Variants in DMC1 observed in about 807,000 individuals in gnomAD.
DMC1 encodes the protein DNA meiotic recombinase 1, also known as meiotic recombination protein DMC1 homolog.
DMC1 carries 27 observed loss-of-function variants against 50.1 expected under a neutral mutation model. The observed-to-expected ratio is 0.54, with a 90% CI of 0.40 to 0.74. The LOEUF is 0.74. Ranked by LOEUF, DMC1 falls within the 30% of genes least tolerant of loss-of-function variation. DMC1 has a pLI of 0.00. For synonymous variants in DMC1, 148 were observed against 136.1 expected (o/e 1.09, Z -0.61); for missense variants, 295 against 420.2 (o/e 0.70, Z 2.60).
intron 8 of DMC1, among the ~76,000 whole-genome samples, chr22:38,541,272 C>T (rs911532740): frequency 6.6e-6 from 1 of 152,052 alleles, no homozygotes; most frequent in African/African-American, 2.4e-5. Flanking sequence ...AGAAGTTAAT[C>T]ACTTATATAT....
At position 38,552,572 on chromosome 22, in the gene DMC1, C is replaced by T. The variant is rs11570407; in HGVS notation, c.421+94G>A. On this transcript the variant is annotated intron_variant, in intron 7 of 13. Transcript: ENST00000216024. ...GTTTTAGTTTCCTTGCAAGTATGTT[C>T]AGATATGAGATTATTTAGAGTATCA... 476 of 962,646 alleles carry T rather than the reference C, an allele frequency of 4.9e-4. 6 individuals are homozygous for T. The African/African-American group carries it at 6.1e-3, about 12-fold the overall frequency. 59.6% of individuals were successfully genotyped at this position (962,646 alleles called of 1,614,324 possible).
intron 13 of DMC1, among the ~76,000 whole-genome samples, chr22:38,520,876 G>GT (rs1169836896): frequency 6.7e-6 from 1 of 150,356 alleles, no homozygotes; most frequent in Non-Finnish European, 1.5e-5. Context: ...TTTGTTTTTT[G>GT]TTTTTGTTTT....
chr22:38,536,774 C>T (rs1412356886), intron 12 of DMC1, among the ~76,000 whole-genome samples: 3 of 152,034 alleles, frequency 2.0e-5, no homozygotes, highest in Non-Finnish European at 2.9e-5. Context: ...TTGCTTTATT[C>T]TATAAAGAAC....
chr22:38,543,729 A>T (rs542975520), intron 8 of DMC1, among the ~76,000 whole-genome samples: 4 of 151,634 alleles, frequency 2.6e-5, no homozygotes, highest in Non-Finnish European at 5.9e-5. Flanking sequence ...CTGGTCATCT[A>T]CTCCATGCTG....
rs957097473 is a variant in DMC1 at position 38,553,140 on chromosome 22, G to A, written c.380-433C>T. The stretch of plus-strand genomic sequence containing the variant: ...TGGGATTACAGGTGTGAGCCACCAC[G>A]CCCGGCCTTATTTGTTTAATATAAA... On this transcript the variant is annotated intron_variant, in intron 6 of 13. Transcript: ENST00000216024. Among the ~76,000 whole-genome samples, 20 of 151,546 alleles carry A rather than the reference G, an allele frequency of 1.3e-4. No individual in the cohort carries two copies. The East Asian group carries it at 2.7e-3, about 21-fold the overall frequency.
intron 12 of DMC1, among the ~76,000 whole-genome samples, chr22:38,530,924 G>T (rs929013999): frequency 6.6e-6 from 1 of 152,080 alleles, no homozygotes; most frequent in Non-Finnish European, 1.5e-5. Flanking sequence ...ACAAAAATTA[G>T]CCAGGTGTGG....
At chr22:38,526,227 C>T (rs146338694) in intron 12 of DMC1, among the ~76,000 whole-genome samples, 28 of 150,856 alleles carry the variant, frequency 1.9e-4, no homozygotes, top group African/African-American at 6.6e-4. Flanking sequence ...TTTTTTGAGA[C>T]GGAGTCTTGC....
At chr22:38,561,865 G>A (rs2090531003) in intron 5 of DMC1, among the ~76,000 whole-genome samples, 1 of 152,048 alleles carries the variant, frequency 6.6e-6, no homozygotes, top group South Asian at 2.1e-4. Flanking sequence ...TCATAAAAGA[G>A]TAAATAAAAA....
At position 38,538,541 on chromosome 22, in the gene DMC1, A is replaced by G. The variant is rs780934367; in HGVS notation, c.658T>C (p.Leu220=). 2 of 1,613,862 alleles carry G rather than the reference A, an allele frequency of 1.2e-6. No individual in the cohort carries two copies. Among genetic ancestry groups the G allele is most frequent in the Non-Finnish European group, 1.7e-6 (2 of 1,179,776 alleles). The change falls in exon 10 of 14, where the codon TTG becomes CTG. Residue 220 remains leucine (L), a splice_region_variant and synonymous_variant. Transcript: ENST00000216024. The part of the protein sequence containing the change: ...FHEEAGIFKL[L]IIDSIMALFR... ...AAGCAATATTTAAAAGCTTGTACCA[A>G]TAGCTTGAAGATGCCAGCTTCTTCA...
At chr22:38,543,451 G>C (rs1374998064) in intron 8 of DMC1, among the ~76,000 whole-genome samples, 1 of 151,980 alleles carries the variant, frequency 6.6e-6, no homozygotes, top group African/African-American at 2.4e-5. Flanking sequence ...GGATGGTCTT[G>C]ATCTCCTGAC....
At chr22:38,542,129 CT>C (rs1490202575) in intron 8 of DMC1, among the ~76,000 whole-genome samples, 3 of 149,404 alleles carry the variant, frequency 2.0e-5, no homozygotes, top group Non-Finnish European at 3.0e-5. Flanking sequence ...AACTGAAAGT[CT>C]TTCCTCTAAG....
At chr22:38,553,833 C>T (rs2090440004) in intron 6 of DMC1, among the ~76,000 whole-genome samples, 1 of 151,598 alleles carries the variant, frequency 6.6e-6, no homozygotes, top group African/African-American at 2.4e-5. Flanking sequence ...GTGGCGTGCA[C>T]CTATAGTCCC....
intron 12 of DMC1, among the ~76,000 whole-genome samples, chr22:38,532,264 T>G (rs112010490): frequency 0.024 from 3,626 of 152,168 alleles, 58 homozygotes; most frequent in Non-Finnish European, 0.037. Context: ...ATAGACAATG[T>G]GTGACTTACC....
chr22:38,565,844 T>A (rs929981955), intron 4 of DMC1, among the ~76,000 whole-genome samples: 4 of 152,218 alleles, frequency 2.6e-5, no homozygotes, highest in African/African-American at 7.2e-5. Flanking sequence ...TGCTCTCTTA[T>A]CAATTGGCTA....
chr22:38,549,486 T>TAGATCTC, intron 8 of DMC1: 1 of 161,930 alleles, frequency 6.2e-6, no homozygotes, highest in Non-Finnish European at 1.3e-5. Context: ...TAGCCAGGTG[T>TAGATCTC]GGTGGCACAC....
chr22:38,551,287 T>C (rs2090408007), intron 7 of DMC1, among the ~76,000 whole-genome samples: 1 of 148,848 alleles, frequency 6.7e-6, no homozygotes. Context: ...GCTATATAAC[T>C]AATATGTTAC....
chr22:38,542,700 C>T (rs1161007156), intron 8 of DMC1, among the ~76,000 whole-genome samples: 3 of 152,082 alleles, frequency 2.0e-5, no homozygotes, highest in East Asian at 1.9e-4. Context: ...AATAGAAAAA[C>T]AACCCTAAAA....
chr22:38,552,569 G>A (rs933700273), intron 7 of DMC1, 97 bp downstream of exon 7: 2 of 945,530 alleles, frequency 2.1e-6, no homozygotes, highest in African/African-American at 3.3e-5. Flanking sequence ...TTGCAAGTAT[G>A]TTCAGATATG....
rs1488723234 is a variant in DMC1, at chr22:38,550,655, GC to G, written c.422-659del. Among the ~76,000 whole-genome samples the G allele has an allele frequency of 3.3e-5, 5 of 150,312 alleles. No individual in the cohort carries two copies. In the East Asian group the frequency reaches 1.0e-3, roughly 30 times the overall value. On this transcript the variant is annotated intron_variant, in intron 7 of 13. Coordinates refer to ENST00000216024, the MANE Select transcript of DMC1 (RefSeq NM_007068.4). ...AAGAAATAGTCACAAATATGGCCGG[GC>G]ATGGTGGCTCATGCCTGTAATCCCA...
Sources: allele counts gnomAD v4.1 joint callset (sites outside exome capture counted in the v4.1 genomes callset), GRCh38; gene constraint gnomAD v4.1.1; transcripts MANE v1.5; gene names NCBI Gene and HGNC (gene_info 2026-07-23, HGNC 2026-07-21).